ADAMTSL1: variants seen among roughly 807,000 people sequenced by gnomAD.
ADAMTSL1 encodes ADAMTS-like protein 1.
ADAMTSL1 carries 126 observed loss-of-function variants against 201.8 expected under a neutral mutation model. The observed-to-expected ratio is 0.62, with a 90% CI of 0.54 to 0.72. The LOEUF (loss-of-function observed/expected upper bound fraction) is 0.72, where lower values mean the gene tolerates loss of function less well. Ranked by LOEUF, ADAMTSL1 falls within the 30% of genes least tolerant of loss-of-function variation. ADAMTSL1 has a pLI of 0.00. For synonymous variants in ADAMTSL1, 1,121 were observed against 903.4 expected, an observed-to-expected ratio of 1.24 and a Z score of -4.32; for missense variants, 2,679 against 2,277.8, an observed-to-expected ratio of 1.18 and a Z score of -3.59.
chr9:18,161,040 T>G (rs572591761), intron 1 of ADAMTSL1, among the ~76,000 whole-genome samples: 1 of 151,788 alleles, frequency 6.6e-6, no homozygotes, highest in African/African-American at 2.4e-5. Flanking sequence ...TGATATTACA[T>G]AAAAGTATTG....
intron 1 of ADAMTSL1, among the ~76,000 whole-genome samples, chr9:18,157,683 G>C (rs1457518761): frequency 6.6e-6 from 1 of 151,950 alleles, no homozygotes; most frequent in Non-Finnish European, 1.5e-5. Flanking sequence ...ATTAAAGTTG[G>C]TAGAAGAACA....
intron 1 of ADAMTSL1, among the ~76,000 whole-genome samples, chr9:18,011,988 G>T (rs1328693053): frequency 2.0e-5 from 3 of 152,050 alleles, no homozygotes; most frequent in Non-Finnish European, 2.9e-5. Context: ...CCCAGTGTTA[G>T]CATTCAGAGT....
exon 1 of ADAMTSL1, chr9:17,906,865 C>T (rs1201458676): frequency 1.3e-5 from 2 of 152,186 alleles, no homozygotes; most frequent in African/African-American, 4.8e-5. Flanking sequence ...CCCAGTGCCC[C>T]GGGTTCCTGG....
intron 2 of ADAMTSL1, among the ~76,000 whole-genome samples, chr9:18,165,695 CAA>C (rs1311349178): frequency 1.3e-5 from 2 of 151,946 alleles, no homozygotes; most frequent in African/African-American, 2.4e-5. Flanking sequence ...AAGAAAAGTT[CAA>C]AGTTTCTCAA....
intron 13 of ADAMTSL1, among the ~76,000 whole-genome samples, chr9:18,699,415 C>G (rs994275649): frequency 6.7e-6 from 1 of 150,160 alleles, no homozygotes; most frequent in Admixed American, 6.7e-5. Flanking sequence ...ACCTTGAACT[C>G]CTGGGTGCAA....
chr9:18,274,963 T>C (rs1260599038), intron 2 of ADAMTSL1, among the ~76,000 whole-genome samples: 2 of 152,202 alleles, frequency 1.3e-5, no homozygotes, highest in East Asian at 1.9e-4. Context: ...TTCTTCATCA[T>C]TGTCTTCTTT....
intron 4 of ADAMTSL1, among the ~76,000 whole-genome samples, chr9:18,585,675 C>A (rs1823440949): frequency 6.6e-6 from 1 of 152,092 alleles, no homozygotes; most frequent in Non-Finnish European, 1.5e-5. Context: ...AGATCAATAT[C>A]CTTGATGAAT....
chr9:18,344,411 C>T (rs534812790), intron 2 of ADAMTSL1, among the ~76,000 whole-genome samples: 3 of 152,030 alleles, frequency 2.0e-5, no homozygotes, highest in Non-Finnish European at 2.9e-5. Flanking sequence ...TCTGCCTCTG[C>T]GTTCCAAAGC....
chr9:18,709,960 C>T (rs779966088), intron 14 of ADAMTSL1, among the ~76,000 whole-genome samples: 9 of 152,234 alleles, frequency 5.9e-5, no homozygotes, highest in Non-Finnish European at 1.2e-4. Flanking sequence ...AAGTACTGTG[C>T]TTAAACATGT....
intron 2 of ADAMTSL1, among the ~76,000 whole-genome samples, chr9:18,291,586 C>G (rs1563863599): frequency 6.6e-6 from 1 of 152,058 alleles, no homozygotes; most frequent in Non-Finnish European, 1.5e-5. Flanking sequence ...CTTTGTCTGT[C>G]TTTATACTTC....
intron 23 of ADAMTSL1, 118 bp from the exon 24 acceptor site, chr9:18,887,713 C>A: frequency 2.2e-6 from 2 of 890,340 alleles, no homozygotes; most frequent in Non-Finnish European, 3.4e-6. Context: ...ATAAAAATGC[C>A]ACAGACAAGG....
chr9:18,577,786 T>C (rs1305959883), intron 4 of ADAMTSL1, among the ~76,000 whole-genome samples: 1 of 152,132 alleles, frequency 6.6e-6, no homozygotes, highest in Non-Finnish European at 1.5e-5. Flanking sequence ...ATGTGACAAG[T>C]AACAAACTTC....
chr9:17,956,512 T>C (rs1318222120), intron 1 of ADAMTSL1, among the ~76,000 whole-genome samples: 1 of 152,118 alleles, frequency 6.6e-6, no homozygotes, highest in Non-Finnish European at 1.5e-5. Flanking sequence ...AATTCCAGAG[T>C]AAACCAGCTT....
intron 1 of ADAMTSL1, among the ~76,000 whole-genome samples, chr9:17,938,838 A>C (rs1827115512): frequency 6.6e-6 from 1 of 152,102 alleles, no homozygotes; most frequent in South Asian, 2.1e-4. Flanking sequence ...GTGTTTCCTG[A>C]CTTTCCATGG....
At chr9:18,357,966 G>A (rs1836328243) in intron 2 of ADAMTSL1, among the ~76,000 whole-genome samples, 1 of 152,140 alleles carries the variant, frequency 6.6e-6, no homozygotes, top group African/African-American at 2.4e-5. Flanking sequence ...TTGTTGTTCA[G>A]TCTAAAGCTC....
At chr9:18,277,453 C>T (rs73643215) in intron 2 of ADAMTSL1, among the ~76,000 whole-genome samples, 5,086 of 152,222 alleles carry the variant, frequency 0.033, 298 homozygotes, top group African/African-American at 0.12. Context: ...ATATTAAATA[C>T]TCCTCTACTG....
chr9:18,150,411 C>T (rs1826856421), intron 1 of ADAMTSL1, among the ~76,000 whole-genome samples: 1 of 152,026 alleles, frequency 6.6e-6, no homozygotes, highest in Admixed American at 6.6e-5. Context: ...TGGAAAATGC[C>T]TATTACATTT....
At chr9:18,791,806 CA>C (rs1278286032) in intron 19 of ADAMTSL1, among the ~76,000 whole-genome samples, 1 of 152,316 alleles carries the variant, frequency 6.6e-6, no homozygotes, top group African/African-American at 2.4e-5. Flanking sequence ...TCATGATCTA[CA>C]TGTCACCGTT....
At chr9:18,429,585 G>GA (rs563711352) in intron 2 of ADAMTSL1, among the ~76,000 whole-genome samples, 61 of 152,032 alleles carry the variant, frequency 4.0e-4, no homozygotes, top group African/African-American at 1.3e-3. Context: ...CTCAATCCTG[G>GA]AAAAAAGATT....
Sources: allele counts gnomAD v4.1 joint callset (sites outside exome capture counted in the v4.1 genomes callset), GRCh38; gene constraint gnomAD v4.1.1; transcripts MANE v1.5; gene names NCBI Gene and HGNC (gene_info 2026-07-23, HGNC 2026-07-21).